The following GPR107 variants were observed in gnomAD, a reference collection of about 807,000 sequenced individuals.
GPR107 encodes G protein-coupled receptor 107.
A neutral mutation model predicts 75.5 loss-of-function variants in GPR107; 31 were observed. The ratio of observed to expected loss-of-function variants is 0.41; its 90% CI spans 0.31 to 0.55. The LOEUF (loss-of-function observed/expected upper bound fraction) is 0.55. Among genes scored for constraint, GPR107 ranks in the 20% least tolerant of loss-of-function variants. GPR107 has a pLI of 0.26. For synonymous variants in GPR107, 267 were observed against 251.3 expected (o/e 1.06, Z -0.59); for missense variants, 572 against 665.7 (o/e 0.86, Z 1.55).
intron 14 of GPR107, among the ~76,000 whole-genome samples, chr9:130,121,728 C>G (rs1324295224): frequency 3.9e-5 from 6 of 152,216 alleles, no homozygotes; most frequent in Non-Finnish European, 7.3e-5. Context: ...TTTCCCTGGT[C>G]TGGCTTGGGA....
intron 1 of GPR107, among the ~76,000 whole-genome samples, chr9:130,072,562 C>T (rs1830235754): frequency 6.6e-6 from 1 of 152,082 alleles, no homozygotes; most frequent in Non-Finnish European, 1.5e-5. Context: ...CTGCTTTGGC[C>T]TCCCAAAGTG....
chr9:130,104,801 G>A (rs1342938976), intron 13 of GPR107, among the ~76,000 whole-genome samples: 1 of 152,236 alleles, frequency 6.6e-6, no homozygotes, highest in African/African-American at 2.4e-5. Flanking sequence ...AGACAATAGA[G>A]AGGAATTGGG....
At chr9:130,102,257 C>G (rs189996921) in intron 12 of GPR107, among the ~76,000 whole-genome samples, 4 of 152,168 alleles carry the variant, frequency 2.6e-5, no homozygotes, top group African/African-American at 9.6e-5. Flanking sequence ...GTCGAGCCAC[C>G]GTGGTCACTT....
chr9:130,092,689 C>T (rs144907188), intron 9 of GPR107, among the ~76,000 whole-genome samples: 9 of 151,778 alleles, frequency 5.9e-5, no homozygotes, highest in East Asian at 1.9e-4. Flanking sequence ...GATCTCAGCT[C>T]GCTGCAAGCT....
At position 130,054,007 on chromosome 9, in the gene GPR107, A is replaced by T; in HGVS notation, c.75A>T (p.Pro25=). Residue 25 remains proline, a synonymous_variant, in exon 1 of 18, where the codon CCA becomes CCT. Coordinates refer to ENST00000347136, the MANE Select transcript of GPR107 (RefSeq NM_020960.5). Reference sequence around the variant, plus strand: ...TGGCCGCGGGCCTCCGGCTGCTCCCAATGCTGGGTTTGCTGCAGTTGCTGG... The same window carrying T: ...TGGCCGCGGGCCTCCGGCTGCTCCCTATGCTGGGTTTGCTGCAGTTGCTGG... ...PRLAAGLRLL[P]MLGLLQLLAE... 1 of 1,553,876 alleles carries T rather than the reference A, an allele frequency of 6.4e-7. No homozygotes were observed. Among genetic ancestry groups the T allele is most frequent in the Non-Finnish European group, 8.7e-7 (1 of 1,149,046 alleles).
chr9:130,072,991 C>T (rs945685423), intron 1 of GPR107, among the ~76,000 whole-genome samples: 8 of 152,136 alleles, frequency 5.3e-5, no homozygotes, highest in African/African-American at 1.7e-4. Flanking sequence ...TCATGCAGCC[C>T]GCAGGAAATG....
At chr9:130,118,091 G>A (rs4837463) in intron 14 of GPR107, among the ~76,000 whole-genome samples, 1 of 152,180 alleles carries the variant, frequency 6.6e-6, no homozygotes, top group Non-Finnish European at 1.5e-5. Context: ...TTGGGTTTGC[G>A]TATTGGCTTC....
At position 130,101,183 on chromosome 9, in the gene GPR107, A is replaced by G. The variant is rs776943164; in HGVS notation, c.1091A>G (p.Asp364Gly). Residue 364 changes from aspartate to glycine, a missense_variant, in exon 12 of 18, where the codon GAT becomes GGT. By Grantham distance (94) the Asp-to-Gly change is moderately conservative (BLOSUM62 -1). Transcript: ENST00000347136. ...GWAFIKHILSDKDKKIFMIVI... is the reference protein window; with the variant it reads ...GWAFIKHILSGKDKKIFMIVI... ...GCTTTCATTAAGCACATCCTTTCTG[A>G]TAAAGACAAAAAGATCTTCATGATT... The G allele has an allele frequency of 6.2e-7, 1 of 1,600,074 alleles. No individual in the cohort carries two copies. Among genetic ancestry groups the G allele is most frequent in the Non-Finnish European group, 8.6e-7 (1 of 1,167,162 alleles).
chr9:130,095,605 G>T (rs138082625), intron 9 of GPR107, among the ~76,000 whole-genome samples: 2,677 of 152,156 alleles, frequency 0.018, 33 homozygotes, highest in Non-Finnish European at 0.026. Context: ...ATGTTGGCTG[G>T]GATGGTCTTG....
rs184720983 is a variant in GPR107, at chr9:130,072,371, C to T, written c.142-3265C>T. Reference sequence around the variant, plus strand: ...AGTAGCTGGGACTACAGGCGCGTGCCACCTCGCCCAGCTAATTTTTTGTGT... The same window carrying T: ...AGTAGCTGGGACTACAGGCGCGTGCTACCTCGCCCAGCTAATTTTTTGTGT... On this transcript the variant is annotated intron_variant, in intron 1 of 17. Coordinates refer to ENST00000347136, the MANE Select transcript of GPR107 (RefSeq NM_020960.5). 2.5e-3 allele frequency among the ~76,000 whole-genome samples: 378 copies of T among 152,188 alleles called. 3 individuals carry two copies. Among genetic ancestry groups the T allele is most frequent in the Admixed American group, 4.8e-3 (74 of 15,264 alleles).
At chr9:130,118,654 C>T (rs919932622) in intron 14 of GPR107, among the ~76,000 whole-genome samples, 1 of 151,832 alleles carries the variant, frequency 6.6e-6, no homozygotes, top group Non-Finnish European at 1.5e-5. Flanking sequence ...ACACCCTCCC[C>T]AACCCCCGTC....
At chr9:130,095,629 G>A (rs1043764197) in intron 9 of GPR107, among the ~76,000 whole-genome samples, 1 of 152,112 alleles carries the variant, frequency 6.6e-6, no homozygotes, top group African/African-American at 2.4e-5. Flanking sequence ...TCTTTACTTC[G>A]TGATCCACCT....
chr9:130,118,379 C>T (rs532128853), intron 14 of GPR107, among the ~76,000 whole-genome samples: 5 of 152,314 alleles, frequency 3.3e-5, no homozygotes, highest in South Asian at 2.1e-4. Context: ...TCAGAGAGGA[C>T]AGGGGACCAC....
At chr9:130,095,732 G>T (rs1440376629) in intron 9 of GPR107, among the ~76,000 whole-genome samples, 3 of 152,112 alleles carry the variant, frequency 2.0e-5, no homozygotes, top group African/African-American at 7.2e-5. Flanking sequence ...AAATGAGGCT[G>T]ACCTATTGTG....
chr9:130,064,211 G>A (rs1371607296), intron 1 of GPR107, among the ~76,000 whole-genome samples: 3 of 30,916 alleles, frequency 9.7e-5, no homozygotes, highest in South Asian at 1.6e-3. Flanking sequence ...TTTTTTTTGA[G>A]ACGGAGTCTC....
At position 130,086,297 on chromosome 9, in the gene GPR107, C is replaced by G; in HGVS notation, c.565-123C>G. 4.5e-6 allele frequency: 3 copies of G among 662,648 alleles called. No homozygotes were observed. In the South Asian group the frequency reaches 5.4e-5, roughly 12 times the overall value. The allele number at this position is 662,648 out of a possible 1,614,324, so 41.0% of individuals were successfully genotyped here. ...GATAGTTGGTTTTATTTTCAGAGAG[C>G]TTTTTTGAAGGTCAGCAAATTTAGA... On this transcript the variant is annotated intron_variant, in intron 6 of 17. Transcript: ENST00000347136.
In GPR107 at chr9:130,128,694, C is replaced by G; in HGVS notation, c.1495C>G (p.Arg499Gly). The G allele has an allele frequency of 1.2e-6, 2 of 1,610,346 alleles. No homozygotes were observed. Among genetic ancestry groups the G allele is most frequent in the Non-Finnish European group, 1.7e-6 (2 of 1,176,590 alleles). The part of the protein sequence containing the change: ...VFFVLTGYKF[R>G]PASDNPYLQL... The stretch of plus-strand genomic sequence containing the variant: ...CTTTGTTCTAACGGGGTATAAATTC[C>G]GTCCGGCTTCAGATAACCCCTACCT... Residue 499 changes from arginine (R) to glycine (G), a missense_variant, in exon 17 of 18, where the codon CGT becomes GGT. Transcript: ENST00000347136.
At position 130,136,898 on chromosome 9, in the gene GPR107, A is replaced by C. The variant is rs1831971191; in HGVS notation, c.*1777A>C. ...CGTGTGTCTTCCCATCTTCAGGAGAAAGGTAAATGCACCCTAAGTGTTCAC... is the reference window on the plus strand; with the variant it reads ...CGTGTGTCTTCCCATCTTCAGGAGACAGGTAAATGCACCCTAAGTGTTCAC... On this transcript the variant is annotated 3_prime_UTR_variant, in exon 18 of 18. Coordinates refer to ENST00000347136, the MANE Select transcript of GPR107 (RefSeq NM_020960.5). The C allele has an allele frequency of 6.6e-6, 1 of 152,232 alleles. No homozygotes were observed. The highest frequency in any genetic ancestry group is 2.4e-5 in the African/African-American group (1 of 41,458). The allele number at this position is 152,232 out of a possible 1,614,324, so 9.4% of individuals were successfully genotyped here. A position where few individuals can be genotyped will look rare whatever the true frequency, so the allele number is the denominator to read the frequency against.
chr9:130,137,576 G>C lies in GPR107; in HGVS notation c.*2455G>C, dbSNP rs1301156343. ...AGTCAAAACCCCAGCCCAAGATTGG[G>C]AAAGCAGGTGGTGGTTCCAAGCTTT... On this transcript the variant is annotated 3_prime_UTR_variant, in exon 18 of 18. Coordinates refer to ENST00000347136, the MANE Select transcript of GPR107 (RefSeq NM_020960.5). The C allele has an allele frequency of 6.6e-6, 1 of 152,268 alleles. No homozygotes were observed. Among genetic ancestry groups the C allele is most frequent in the Non-Finnish European group, 1.5e-5 (1 of 68,054 alleles). The allele number at this position is 152,268 out of a possible 1,614,324, so 9.4% of individuals were successfully genotyped here. A position where few individuals can be genotyped will look rare whatever the true frequency, so the allele number is the denominator to read the frequency against.
Sources: allele counts gnomAD v4.1 joint callset (sites outside exome capture counted in the v4.1 genomes callset), GRCh38; gene constraint gnomAD v4.1.1; transcripts MANE v1.5; gene names NCBI Gene and HGNC (gene_info 2026-07-23, HGNC 2026-07-21).